Variants in UPF3B observed in about 807,000 individuals in gnomAD.
The protein encoded by UPF3B is regulator of nonsense transcripts 3B.
Under a neutral mutation model 40.3 loss-of-function variants are expected in UPF3B, and 7 were observed. The observed-to-expected ratio is 0.17, with a 90% CI of 0.10 to 0.33. The LOEUF is 0.33. Ranked by LOEUF, UPF3B falls within the 10% of genes least tolerant of loss-of-function variation. The probability of loss-of-function intolerance (pLI) is 1.00; values close to 1 mark genes in which losing one functional copy is unlikely to be tolerated. For synonymous variants in UPF3B, 117 were observed against 117.3 expected (o/e 1.00, Z 0.01); for missense variants, 229 against 358.9 (o/e 0.64, Z 2.93).
chrX:119,817,335 A>C (rs999895981), intron 4 of UPF3B, among the ~76,000 whole-genome samples: 6 of 112,019 alleles, frequency 5.4e-5, no homozygotes, highest in African/African-American at 1.9e-4. Context: ...ATCATGGCAG[A>C]AGGGGAAGTG....
Position 119,842,326 on chromosome X carries a change from G to A in UPF3B, c.581-548C>T, listed in dbSNP as rs747560360. On this transcript the variant is annotated intron_variant, in intron 5 of 10. Coordinates refer to ENST00000276201, the MANE Select transcript of UPF3B (RefSeq NM_080632.3). Reference sequence around the variant, plus strand: ...TGGCCGGGCACAGTGGCTCATGCCTGTAATCCCAGCACTTTCAGAGGCCAA... The same window carrying A: ...TGGCCGGGCACAGTGGCTCATGCCTATAATCCCAGCACTTTCAGAGGCCAA... Among the ~76,000 whole-genome samples the A allele has an allele frequency of 1.6e-4, 18 of 111,508 alleles. No individual in the cohort carries two copies. The South Asian group carries it at 6.7e-3, about 41-fold the overall frequency.
At chrX:119,831,833 G>T, downstream of UPF3B, 1 of 362,377 alleles carries the variant, frequency 2.8e-6, no homozygotes, top group Non-Finnish European at 3.6e-6. Context: ...TTTATCATAA[G>T]TTATATATTA....
chrX:119,836,728 G>A lies in UPF3B; in HGVS notation c.1302+1029C>T, dbSNP rs1025377265. On this transcript the variant is annotated intron_variant, in intron 10 of 10. Transcript: ENST00000276201. ...TGCAGTGACGCGATCTCGGCTCACT[G>A]CAAGCTCCGCCTCCCAGGTTCACGC... Among the ~76,000 whole-genome samples the A allele has an allele frequency of 3.9e-5, 4 of 101,719 alleles. No homozygotes were observed. The Admixed American group carries it at 4.4e-4, about 11-fold the overall frequency. The allele number at this position is 101,719 out of a possible 115,157, so 88.3% of individuals were successfully genotyped here.
chrX:119,846,081 C>T (rs1156853288), intron 3 of UPF3B, among the ~76,000 whole-genome samples: 2 of 110,667 alleles, frequency 1.8e-5, no homozygotes, highest in Admixed American at 1.9e-4. Context: ...TGCCTATAAT[C>T]CCAGCATTTT....
intron 8 of UPF3B, among the ~76,000 whole-genome samples, chrX:119,839,035 CCA>C (rs1202558354): frequency 2.7e-5 from 3 of 111,803 alleles, no homozygotes; most frequent in African/African-American, 9.8e-5. Flanking sequence ...CCTCGGCCTC[CCA>C]CAGTGCTGAG....
chrX:119,828,932 G>A (rs1002640273), intron 3 of UPF3B, among the ~76,000 whole-genome samples: 42 of 111,281 alleles, frequency 3.8e-4, no homozygotes, highest in African/African-American at 1.2e-3. Context: ...TGTTGGCCAT[G>A]CTGGTTTTGA....
downstream of UPF3B, among the ~76,000 whole-genome samples, chrX:119,832,409 C>T (rs917478686): frequency 1.8e-5 from 2 of 111,446 alleles, no homozygotes; most frequent in African/African-American, 6.5e-5. Context: ...CAGGTGCCCA[C>T]CACCACACTC....
At chrX:119,846,232 G>GC (rs1228513659) in intron 3 of UPF3B, among the ~76,000 whole-genome samples, 1 of 110,814 alleles carries the variant, frequency 9.0e-6, no homozygotes, top group Non-Finnish European at 1.9e-5. Context: ...TACTCTGGAG[G>GC]CTGAGGCATG....
Position 119,834,827 on chromosome X carries a change from G to A in UPF3B, c.*51C>T, listed in dbSNP as rs371630732. On this transcript the variant is annotated 3_prime_UTR_variant, in exon 11 of 11. Transcript: ENST00000276201. ...AAGGCACCTCTGGATTGCTTAACGT[G>A]TGCTCTTTGGCTGCCTAGACAGTCA... 61 of 1,208,425 alleles carry A rather than the reference G, an allele frequency of 5.0e-5. No homozygotes were observed. Among genetic ancestry groups the A allele is most frequent in the Middle Eastern group, 2.8e-4 (1 of 3,534 alleles).
At chrX:119,806,033 C>T (rs1439129536) in intron 6 of UPF3B, among the ~76,000 whole-genome samples, 4 of 80,555 alleles carry the variant, frequency 5.0e-5, no homozygotes, top group Admixed American at 1.5e-4. Context: ...CACATGCACA[C>T]GTATGTTTAC....
chrX:119,834,939 G>T lies in UPF3B; in HGVS notation c.1391C>A (p.Ser464Ter). 8.3e-7 allele frequency: 1 copy of T among 1,211,919 alleles called. No individual in the cohort carries two copies. The highest frequency in any genetic ancestry group is 1.1e-6 in the Non-Finnish European group (1 of 895,587). Residue 464 changes from serine (S) to a stop codon, truncating the protein, a stop_gained, in exon 11 of 11, where the codon TCA (serine) becomes TAA (stop). Transcript: ENST00000276201. LOFTEE classifies it high-confidence loss of function. ...ACTTTCCTGCTTCCTTTCTGCTGCT[G>T]AATCTCCAGACTTGGTGCTGTCATC... ...PPDDSTKSGDSAAERKQESGI... is the reference protein window; with the variant it reads ...PPDDSTKSGD
chrX:119,826,964 T>C (rs2055984694), intron 3 of UPF3B, among the ~76,000 whole-genome samples: 1 of 112,186 alleles, frequency 8.9e-6, no homozygotes. Context: ...CAGAAAATAA[T>C]AACATCTGCT....
Position 119,837,924 on chromosome X carries a change from G to A in UPF3B, c.1135C>T (p.Arg379Cys), listed in dbSNP as rs761031567. 11 of 1,207,407 alleles carry A rather than the reference G, an allele frequency of 9.1e-6. No individual in the cohort carries two copies. The highest frequency in any genetic ancestry group is 8.9e-5 in the East Asian group (3 of 33,742). Residue 379 changes from arginine (R) to cysteine (C), a missense_variant, in exon 10 of 11, where the codon CGC becomes TGC. Arg to Cys is a radical substitution (Grantham distance 180). This residue lies in a region of UPF3B where 119 missense variants were observed against 153.8 expected (regional missense o/e 0.77). Transcript: ENST00000276201. The part of the protein sequence containing the change: ...QEEERRRQKE[R>C]YEKEKTFKRK... ...TTAAAAGTCTTCTCTTTCTCATAGC[G>A]CTCCTTCTGCCTACGGCGCTCTTCT...
intron 6 of UPF3B, 125 bp from the exon 7 acceptor site, chrX:119,841,383 T>C: frequency 9.3e-7 from 1 of 1,072,557 alleles, no homozygotes; most frequent in Non-Finnish European, 1.3e-6. Context: ...AAAGTGGCAT[T>C]CTACCACCGT....
At chrX:119,832,062 C>A (rs1466120217), downstream of UPF3B, among the ~76,000 whole-genome samples, 1 of 111,785 alleles carries the variant, frequency 8.9e-6, no homozygotes. Context: ...CAGATACAGG[C>A]GATCCTCCCA....
chrX:119,840,755 A>C (rs779017461), intron 7 of UPF3B, 71 bp from the exon 8 acceptor site: 12 of 1,048,943 alleles, frequency 1.1e-5, no homozygotes, highest in East Asian at 6.1e-5. Flanking sequence ...CTGAAAAAAA[A>C]CCATAAATCA....
In UPF3B at chrX:119,852,896, C is replaced by T. The variant is rs772315243; in HGVS notation, c.33G>A (p.Glu11=). The T allele has an allele frequency of 8.3e-6, 10 of 1,211,280 alleles. No homozygotes were observed. Among genetic ancestry groups the T allele is most frequent in the Middle Eastern group, 4.6e-4 (2 of 4,374 alleles). Residue 11 remains glutamate (E), a synonymous_variant, in exon 1 of 11, where the codon GAG becomes GAA. Coordinates refer to ENST00000276201, the MANE Select transcript of UPF3B (RefSeq NM_080632.3). MKEEKEHRPK[E]KRVTLLTPAG... ...CGGGGGTTAACAGGGTTACTCGCTT[C>T]TCCTTAGGCCTGTGCTCCTTCTCTT...
Position 119,838,448 on chromosome X carries a change from A to G in UPF3B, c.926T>C (p.Leu309Pro). The G allele has an allele frequency of 8.3e-7, 1 of 1,211,451 alleles. No homozygotes were observed. The highest frequency in any genetic ancestry group is 1.8e-5 in the South Asian group (1 of 56,949). Residue 309 changes from leucine (L) to proline (P), a missense_variant, in exon 9 of 11, where the codon CTC (leucine) becomes CCC (proline). By Grantham distance (98) the Leu-to-Pro change is moderately conservative (BLOSUM62 -3). Transcript: ENST00000276201. Reference sequence around the variant, plus strand: ...TTGCCCACTGGCTCTTTCATCACTGAGATTCTCTTTGTCCAATTTCTTGGC... The same window carrying G: ...TTGCCCACTGGCTCTTTCATCACTGGGATTCTCTTTGTCCAATTTCTTGGC... ...EKAKKLDKEN[L>P]SDERASGQSC...
rs201679684 is a variant in UPF3B at position 119,849,945 on chromosome X, A to AAAAC, written c.370+1546_370+1549dup. Among the ~76,000 whole-genome samples the AAAAC allele has an allele frequency of 2.9e-3, 317 of 110,117 alleles. 9 individuals carry two copies. In the East Asian group the frequency reaches 0.074, roughly 26 times the overall value. On this transcript the variant is annotated intron_variant, in intron 3 of 10. Transcript: ENST00000276201. Reference sequence around the variant, plus strand: ...TGTCTCTAAGATTTAAAAACAAAACAAAACAAACAAACAAACAAAAAACAC... The same window carrying AAAAC: ...TGTCTCTAAGATTTAAAAACAAAACAAAACAAACAAACAAACAAACAAAAAACAC...
Sources: allele counts gnomAD v4.1 joint callset (sites outside exome capture counted in the v4.1 genomes callset), GRCh38; gene constraint gnomAD v4.1.1; regional missense constraint gnomAD v4.1.1; transcripts MANE v1.5; gene names NCBI Gene and HGNC (gene_info 2026-07-23, HGNC 2026-07-21).